Variants in GALNT16 observed in about 807,000 individuals in gnomAD.
GALNT16 encodes the protein polypeptide N-acetylgalactosaminyltransferase 16.
A neutral mutation model predicts 76.1 loss-of-function variants in GALNT16; 40 were observed. That is an observed-to-expected ratio of 0.53 (90% CI 0.41 to 0.68). GALNT16 has a LOEUF of 0.68. Ranked by LOEUF, GALNT16 falls within the 30% of genes least tolerant of loss-of-function variation. The probability of loss-of-function intolerance (pLI) is 0.00; values close to 1 mark genes in which losing one functional copy is unlikely to be tolerated. For synonymous variants in GALNT16, 276 were observed against 285.2 expected (o/e 0.97, Z 0.32); for missense variants, 621 against 731.9 (o/e 0.85, Z 1.75).
At chr14:69,364,063 C>T in the GALNT16 span, among the ~76,000 whole-genome samples, 7 of 152,182 alleles carry the variant, frequency 4.6e-5, no homozygotes. This position sits in a 1 kb window ranked among gnomAD's most constrained non-coding sequence, Gnocchi z 4.2. Context: ...TACATGAAGA[C>T]AAAGACTTGT....
chr14:69,294,599 C>T (rs890651874), intron 1 of GALNT16, among the ~76,000 whole-genome samples: 4 of 152,262 alleles, frequency 2.6e-5, no homozygotes, highest in Middle Eastern at 3.4e-3. Flanking sequence ...CACATACAGT[C>T]ACTTCCCCTT....
At chr14:69,268,605 G>A (rs114166390) in intron 1 of GALNT16, among the ~76,000 whole-genome samples, 2,359 of 152,256 alleles carry the variant, frequency 0.015, 66 homozygotes, top group African/African-American at 0.054. Flanking sequence ...CTATGTGCCA[G>A]GACTGTTACA....
At chr14:69,338,058 C>T (rs1039030801) in intron 9 of GALNT16, among the ~76,000 whole-genome samples, 4 of 152,198 alleles carry the variant, frequency 2.6e-5, no homozygotes, top group African/African-American at 4.8e-5. Context: ...ACTGCTCTCC[C>T]GACACCACTG....
chr14:69,374,975 C>T, the GALNT16 span, among the ~76,000 whole-genome samples: 1 of 152,318 alleles, frequency 6.6e-6, no homozygotes, highest in East Asian at 1.9e-4. Context: ...AAGGCTCATA[C>T]CCTCATGACC....
At chr14:69,326,354 A>G (rs1182355338) in intron 5 of GALNT16, among the ~76,000 whole-genome samples, 2 of 152,270 alleles carry the variant, frequency 1.3e-5, no homozygotes, top group Non-Finnish European at 2.9e-5. Context: ...ATCCAGAAGC[A>G]TAAAGCAGAT....
At chr14:69,293,675 C>T (rs950881303) in intron 1 of GALNT16, among the ~76,000 whole-genome samples, 2 of 152,144 alleles carry the variant, frequency 1.3e-5, no homozygotes, top group East Asian at 1.9e-4. Flanking sequence ...TTAACCTCTC[C>T]GTGCCCAGTT....
At chr14:69,296,957 A>G (rs1264359326) in intron 1 of GALNT16, among the ~76,000 whole-genome samples, 1 of 152,204 alleles carries the variant, frequency 6.6e-6, no homozygotes, top group Non-Finnish European at 1.5e-5. Flanking sequence ...ATCAGAAGAC[A>G]GCTTCCTCAT....
At chr14:69,367,149 T>G in the GALNT16 span, among the ~76,000 whole-genome samples, 1 of 152,092 alleles carries the variant, frequency 6.6e-6, no homozygotes, top group Non-Finnish European at 1.5e-5. Flanking sequence ...GGCGGATTTT[T>G]GGGGGCTGAG....
chr14:69,381,629 C>T, the GALNT16 span, among the ~76,000 whole-genome samples: 1 of 152,042 alleles, frequency 6.6e-6, no homozygotes, highest in Non-Finnish European at 1.5e-5. Flanking sequence ...TCTGAATTAA[C>T]TCATTTTTAC....
intron 1 of GALNT16, among the ~76,000 whole-genome samples, chr14:69,264,819 CTT>C (rs60818532): frequency 4.1e-5 from 4 of 96,594 alleles, no homozygotes; most frequent in Non-Finnish European, 1.8e-5. Context: ...CTTTTTCTTT[CTT>C]TTTTTTTTTG....
chr14:69,294,080 G>A lies in GALNT16; in HGVS notation c.178-26631G>A, dbSNP rs189456917. On this transcript the variant is annotated intron_variant, in intron 1 of 14. Coordinates refer to ENST00000448469, the MANE Select transcript of GALNT16 (RefSeq NM_001168368.2). The stretch of plus-strand genomic sequence containing the variant: ...TAATTTTTGTATTTTTAGTAGAGAC[G>A]GGTTTCACCACGTTGGCCAGGATGG... Among the ~76,000 whole-genome samples, 239 of 151,996 alleles carry A rather than the reference G, an allele frequency of 1.6e-3. 2 individuals are homozygous for A. Among genetic ancestry groups the A allele is most frequent in the African/African-American group, 5.1e-3 (212 of 41,450 alleles).
At chr14:69,312,857 A>G (rs1385127271) in intron 1 of GALNT16, among the ~76,000 whole-genome samples, 3 of 152,092 alleles carry the variant, frequency 2.0e-5, no homozygotes, top group Admixed American at 2.0e-4. Context: ...CCTGCTTTGG[A>G]GCTGAGGACT....
rs549507502 is a variant in GALNT16 at position 69,319,963 on chromosome 14, C to G, written c.178-748C>G. ...CGGGTGCCTCATATAATGCCTAGGC[C>G]AGGGCTAGGCCCAAGTTTCTGCCTA... On this transcript the variant is annotated intron_variant, in intron 1 of 14. Transcript: ENST00000448469. Among the ~76,000 whole-genome samples the G allele has an allele frequency of 1.4e-4, 21 of 152,322 alleles. No individual in the cohort carries two copies. In the South Asian group the frequency reaches 4.1e-3, roughly 30 times the overall value.
intron 1 of GALNT16, among the ~76,000 whole-genome samples, chr14:69,294,867 G>C (rs1044983284): frequency 6.6e-6 from 1 of 152,102 alleles, no homozygotes; most frequent in Non-Finnish European, 1.5e-5. Flanking sequence ...TTCAGGCACA[G>C]GACACCGCGC....
chr14:69,314,184 A>G (rs1257431812), intron 1 of GALNT16, among the ~76,000 whole-genome samples: 1 of 152,266 alleles, frequency 6.6e-6, no homozygotes, highest in Non-Finnish European at 1.5e-5. Context: ...CGTATATAAT[A>G]ATAGTTAATA....
rs903739605 is a variant in GALNT16 at position 69,261,149 on chromosome 14, C to A, written c.177+682C>A. ...TGTCAGCGCCCGAACTTGGCGATACCCTTGCATGAAGTCAGCCTCGCGACA... is the reference window on the plus strand; with the variant it reads ...TGTCAGCGCCCGAACTTGGCGATACACTTGCATGAAGTCAGCCTCGCGACA... On this transcript the variant is annotated intron_variant, in intron 1 of 14. Transcript: ENST00000448469. The surrounding 1 kb of genome is among the most constrained non-coding windows in gnomAD (Gnocchi z 6.4). Among the ~76,000 whole-genome samples the A allele has an allele frequency of 2.6e-5, 4 of 152,140 alleles. No individual in the cohort carries two copies. Among genetic ancestry groups the A allele is most frequent in the Non-Finnish European group, 4.4e-5 (3 of 68,012 alleles).
the GALNT16 span, among the ~76,000 whole-genome samples, chr14:69,381,696 T>A: frequency 1.3e-5 from 2 of 152,098 alleles, no homozygotes; most frequent in Non-Finnish European, 2.9e-5. Context: ...CACCGACCCC[T>A]GCTTTTTTTT....
intron 1 of GALNT16, among the ~76,000 whole-genome samples, chr14:69,282,080 A>T (rs937423144): frequency 6.6e-6 from 1 of 152,256 alleles, no homozygotes; most frequent in Non-Finnish European, 1.5e-5. Flanking sequence ...TGTCTGCACT[A>T]GCTGGGCTTT....
the GALNT16 span, among the ~76,000 whole-genome samples, chr14:69,382,731 C>T: frequency 0.12 from 18,300 of 148,290 alleles, 1,349 homozygotes; most frequent in Middle Eastern, 0.25. Context: ...CCCAGCTACT[C>T]GGGAGGCTGA....
Sources: allele counts gnomAD v4.1 joint callset (sites outside exome capture counted in the v4.1 genomes callset), GRCh38; gene constraint gnomAD v4.1.1; non-coding constraint Gnocchi (gnomAD v3.1); transcripts MANE v1.5; gene names NCBI Gene and HGNC (gene_info 2026-07-23, HGNC 2026-07-21).